AMPH: variants seen among roughly 807,000 people sequenced by gnomAD.
AMPH encodes amphiphysin (Stiff-Mann syndrome with breast cancer 128kD autoantigen).
In AMPH, 49 loss-of-function variants were observed where a neutral mutation model predicts 99.1. That is an observed-to-expected ratio of 0.49 (90% CI 0.39 to 0.63). AMPH has a LOEUF of 0.63. Among genes scored for constraint, AMPH ranks in the 20% least tolerant of loss-of-function variants. The pLI is 0.00. For missense variants in AMPH, 759 were observed against 863.4 expected (o/e 0.88, Z 1.52); for synonymous variants, 314 against 317.3 (o/e 0.99, Z 0.11).
rs869172352 is a variant in AMPH at position 38,469,153 on chromosome 7, CAAAAAAAAAAAAAAAAAAAAAAAA to C, written c.591-2929_591-2906del. 1.4e-4 allele frequency among the ~76,000 whole-genome samples: 4 copies of C among 28,886 alleles called. 1 individual carries two copies. Among genetic ancestry groups the C allele is most frequent in the African/African-American group, 9.3e-4 (4 of 4,286 alleles). 19.0% of individuals were successfully genotyped at this position (28,886 alleles called of 152,430 possible). A position where few individuals can be genotyped will look rare whatever the true frequency, so the allele number is the denominator to read the frequency against. On this transcript the variant is annotated intron_variant, in intron 7 of 20. Transcript: ENST00000356264. Reference sequence around the variant, plus strand: ...TGGGCGACAGAGCGAGACTCCGCCTCAAAAAAAAAAAAAAAAAAAAAAAAAAAAAAAAAAAGAACATACAGACAC... The same window carrying C: ...TGGGCGACAGAGCGAGACTCCGCCTCAAAAAAAAAAAGAACATACAGACAC...
intron 5 of AMPH, among the ~76,000 whole-genome samples, chr7:38,485,737 C>T (rs1171586059): frequency 2.6e-5 from 4 of 151,884 alleles, no homozygotes; most frequent in African/African-American, 9.7e-5. Context: ...CAAAACAAGT[C>T]TTAACAAATT....
At position 38,406,720 on chromosome 7, in the gene AMPH, CTCT is replaced by C. The variant is rs1562732310; in HGVS notation, c.1398+11102_1398+11104del. 4.4e-3 allele frequency among the ~76,000 whole-genome samples: 500 copies of C among 113,486 alleles called. 5 individuals carry two copies. Among genetic ancestry groups the C allele is most frequent in the East Asian group, 0.027 (80 of 3,014 alleles). 74.5% of individuals were successfully genotyped at this position (113,486 alleles called of 152,430 possible). A position where few individuals can be genotyped will look rare whatever the true frequency, so the allele number is the denominator to read the frequency against. On this transcript the variant is annotated intron_variant, in intron 17 of 20. Coordinates refer to ENST00000356264, the MANE Select transcript of AMPH (RefSeq NM_001635.4). ...CTGAGTTCTCTCTCCTCTCCTCTCT[CTCT>C]CCCTTTCCCTCTCTCTCTCTCTCTC... is the stretch of plus-strand genomic sequence containing the variant.
chr7:38,456,087 G>T (rs1787221791), intron 11 of AMPH, among the ~76,000 whole-genome samples: 1 of 152,186 alleles, frequency 6.6e-6, no homozygotes, highest in Non-Finnish European at 1.5e-5. Context: ...CCAAAGGTCT[G>T]CATCCCTCCC....
At chr7:38,418,728 C>A (rs909386160) in intron 16 of AMPH, among the ~76,000 whole-genome samples, 1 of 152,070 alleles carries the variant, frequency 6.6e-6, no homozygotes, top group Admixed American at 6.5e-5. Context: ...AACCACAGGG[C>A]AGTATTCTCC....
intron 11 of AMPH, among the ~76,000 whole-genome samples, chr7:38,453,063 T>C (rs1275574269): frequency 6.6e-6 from 1 of 152,194 alleles, no homozygotes; most frequent in Non-Finnish European, 1.5e-5. Context: ...ATTTAATCCA[T>C]GGAAACACTC....
intron 1 of AMPH, among the ~76,000 whole-genome samples, chr7:38,551,007 G>C (rs1584235414): frequency 6.6e-6 from 1 of 152,058 alleles, no homozygotes; most frequent in Admixed American, 6.6e-5. Context: ...AGCTATTCCT[G>C]ACCATGACCC....
chr7:38,428,556 G>A (rs933435272), intron 14 of AMPH: 5 of 456,486 alleles, frequency 1.1e-5, no homozygotes, highest in Non-Finnish European at 2.2e-5. Context: ...GTCTTGTGCT[G>A]GGTAAAATAT....
intron 10 of AMPH, among the ~76,000 whole-genome samples, chr7:38,462,096 A>G (rs949836479): frequency 6.6e-6 from 1 of 152,194 alleles, no homozygotes; most frequent in Non-Finnish European, 1.5e-5. Context: ...AGGGTAAATG[A>G]CTGCTATTAT....
At chr7:38,413,284 G>C (rs938564980) in intron 17 of AMPH, among the ~76,000 whole-genome samples, 1 of 152,022 alleles carries the variant, frequency 6.6e-6, no homozygotes, top group Admixed American at 6.6e-5. Flanking sequence ...ACAGAGCTGT[G>C]GGGCAGAATG....
At chr7:38,609,569 T>C (rs1793555011) in intron 1 of AMPH, among the ~76,000 whole-genome samples, 1 of 152,194 alleles carries the variant, frequency 6.6e-6, no homozygotes, top group Non-Finnish European at 1.5e-5. Context: ...TTACACCCAT[T>C]AAAAACCACA....
chr7:38,602,131 A>G (rs35013617), intron 1 of AMPH, among the ~76,000 whole-genome samples: 45,091 of 151,964 alleles, frequency 0.3, 6,896 homozygotes, highest in Non-Finnish European at 0.33. Context: ...CAGCCCAGAC[A>G]CTCTACAGCC....
At chr7:38,570,468 G>C (rs1791902657) in intron 1 of AMPH, among the ~76,000 whole-genome samples, 1 of 152,044 alleles carries the variant, frequency 6.6e-6, no homozygotes, top group Non-Finnish European at 1.5e-5. Flanking sequence ...GATTGTAGTG[G>C]AGCTGAAAAA....
At position 38,389,469 on chromosome 7, in the gene AMPH, C is replaced by G. The variant is rs531632589; in HGVS notation, c.1980+335G>C. Among the ~76,000 whole-genome samples the G allele has an allele frequency of 4.6e-5, 7 of 152,304 alleles. No individual in the cohort carries two copies. In the South Asian group the frequency reaches 1.2e-3, roughly 27 times the overall value. The stretch of plus-strand genomic sequence containing the variant: ...CTTTCCTCATCAATATCCACACACC[C>G]AGAGGCAACCACTTTTGAAGGGGTC... On this transcript the variant is annotated intron_variant, in intron 20 of 20. Coordinates refer to ENST00000356264, the MANE Select transcript of AMPH (RefSeq NM_001635.4).
At chr7:38,462,654 A>T (rs1381995196) in intron 10 of AMPH, among the ~76,000 whole-genome samples, 1 of 152,166 alleles carries the variant, frequency 6.6e-6, no homozygotes, top group Non-Finnish European at 1.5e-5. Context: ...TTTCATGCAG[A>T]GGTAGGATTT....
intron 17 of AMPH, among the ~76,000 whole-genome samples, chr7:38,406,900 G>C (rs920279684): frequency 1.3e-5 from 2 of 149,458 alleles, no homozygotes; most frequent in Non-Finnish European, 3.0e-5. Context: ...AGCTTCCCTG[G>C]TTTGAAGCTT....
At chr7:38,540,692 C>CAAAAAAAAAA (rs373768495) in intron 1 of AMPH, among the ~76,000 whole-genome samples, 379 of 19,768 alleles carry the variant, frequency 0.019, 172 homozygotes, top group East Asian at 0.058. Context: ...TGACCCCAAG[C>CAAAAAAAAAA]AAAAAAAAAA....
At chr7:38,404,563 G>C (rs1584045087) in intron 17 of AMPH, among the ~76,000 whole-genome samples, 1 of 152,002 alleles carries the variant, frequency 6.6e-6, no homozygotes, top group Admixed American at 6.6e-5. Flanking sequence ...AAAGCACCTA[G>C]AAACAAAGCC....
intron 20 of AMPH, among the ~76,000 whole-genome samples, chr7:38,386,323 C>G (rs1784348049): frequency 6.6e-6 from 1 of 152,124 alleles, no homozygotes; most frequent in African/African-American, 2.4e-5. Flanking sequence ...CCACAAGTGT[C>G]TATATTTGAC....
At chr7:38,577,515 C>A (rs1053672748) in intron 1 of AMPH, among the ~76,000 whole-genome samples, 6 of 152,154 alleles carry the variant, frequency 3.9e-5, no homozygotes, top group African/African-American at 1.4e-4. Context: ...GGATACTGAC[C>A]AAGTTTCCTG....
Sources: gnomAD v4.1 joint callset for allele counts (sites outside exome capture counted in the v4.1 genomes callset) on GRCh38, gnomAD v4.1.1 for gene constraint, MANE v1.5 for transcripts, NCBI Gene and HGNC (gene_info 2026-07-23, HGNC 2026-07-21) for gene names.